UNC80: variants seen among roughly 807,000 people sequenced by gnomAD.
UNC80 encodes the protein unc-80 subunit of NALCN channel complex, also known as protein unc-80 homolog.
UNC80 carries 164 observed loss-of-function variants against 384.6 expected under a neutral mutation model. The ratio of observed to expected loss-of-function variants is 0.43; its 90% confidence interval spans 0.38 to 0.49. The LOEUF is 0.49. UNC80 is among the 20% of genes least tolerant of loss of function. The pLI, the probability that UNC80 is intolerant of heterozygous loss-of-function variation, is 0.00. For missense variants in UNC80, 3,330 were observed against 4,143.0 expected (o/e 0.80, Z 5.39); for synonymous variants, 1,486 against 1,527.8 (o/e 0.97, Z 0.64).
intron 12 of UNC80, 63 bp from the exon 13 acceptor site, chr2:209,820,248 A>T (rs1413074019): frequency 4.1e-6 from 6 of 1,459,924 alleles, no homozygotes; most frequent in Non-Finnish European, 5.4e-6. Context: ...GAATAATCAG[A>T]TCTCTTTAGG....
At chr2:209,780,735 C>T (rs190155140) in intron 4 of UNC80, among the ~76,000 whole-genome samples, 4 of 152,204 alleles carry the variant, frequency 2.6e-5, no homozygotes, top group Non-Finnish European at 4.4e-5. Context: ...TGAGAGCCAC[C>T]GCCTTACATC....
chr2:209,851,531 A>C (rs1217073139), intron 22 of UNC80, among the ~76,000 whole-genome samples: 1 of 152,132 alleles, frequency 6.6e-6, no homozygotes, highest in Admixed American at 6.6e-5. Flanking sequence ...TTAACTCAGC[A>C]AATGTCTTTT....
intron 5 of UNC80, 150 bp downstream of exon 5, chr2:209,786,339 C>T (rs2077425038): frequency 3.0e-6 from 3 of 1,004,150 alleles, no homozygotes; most frequent in Non-Finnish European, 4.1e-6. Context: ...GGCTTACTCA[C>T]ATGAGGAGAA....
chr2:209,799,119 A>G (rs2078371396), intron 7 of UNC80, among the ~76,000 whole-genome samples: 1 of 150,726 alleles, frequency 6.6e-6, no homozygotes. Flanking sequence ...AAGAATGTCA[A>G]TGGTAGTTTG....
chr2:209,815,214 AT>A, intron 8 of UNC80, 42 bp from the exon 9 acceptor site: 1 of 1,534,578 alleles, frequency 6.5e-7, no homozygotes, highest in South Asian at 1.2e-5. Flanking sequence ...CAGTATTTGG[AT>A]GTAAAGTCCT....
chr2:209,912,186 T>C (rs1322697498), intron 29 of UNC80, among the ~76,000 whole-genome samples: 1 of 152,146 alleles, frequency 6.6e-6, no homozygotes, highest in Non-Finnish European at 1.5e-5. Context: ...TTTAAAAGAT[T>C]TGTGTTTTTT....
chr2:209,846,601 C>T (rs1322652982), intron 21 of UNC80, among the ~76,000 whole-genome samples: 2 of 151,816 alleles, frequency 1.3e-5, no homozygotes, highest in African/African-American at 4.8e-5. Flanking sequence ...TTATACATCC[C>T]TTATTGGATT....
intron 47 of UNC80, among the ~76,000 whole-genome samples, chr2:209,948,193 A>T (rs1425672745): frequency 1.3e-5 from 2 of 152,098 alleles, no homozygotes; most frequent in Non-Finnish European, 2.9e-5. Flanking sequence ...ATTTCTATGG[A>T]TGGAACTGCT....
intron 56 of UNC80, among the ~76,000 whole-genome samples, chr2:209,973,976 C>T (rs868865597): frequency 1.3e-5 from 2 of 152,182 alleles, no homozygotes; most frequent in African/African-American, 4.8e-5. Flanking sequence ...CTGCCTTTAA[C>T]CTGGTCGTGA....
intron 22 of UNC80, among the ~76,000 whole-genome samples, chr2:209,855,866 C>A (rs2082873877): frequency 6.6e-6 from 1 of 151,976 alleles, no homozygotes; most frequent in African/African-American, 2.4e-5. Context: ...TTTGAACATA[C>A]CACAATTTAT....
rs543753685 is a variant in UNC80 at position 209,919,472 on chromosome 2, A to G, written c.5343+809A>G. 4.6e-5 allele frequency among the ~76,000 whole-genome samples: 7 copies of G among 152,308 alleles called. No individual in the cohort carries two copies. In the South Asian group the frequency reaches 1.5e-3, roughly 32 times the overall value. ...AGAAAAGTTATATCACTTTGTCCTTATAGAATAGAATTGAAAAGTATCTTA... is the reference window on the plus strand; with the variant it reads ...AGAAAAGTTATATCACTTTGTCCTTGTAGAATAGAATTGAAAAGTATCTTA... On this transcript the variant is annotated intron_variant, in intron 33 of 64. Coordinates refer to ENST00000673920, the MANE Select transcript of UNC80 (RefSeq NM_001371986.1).
chr2:209,856,862 AC>A (rs1423265920), intron 22 of UNC80, among the ~76,000 whole-genome samples: 8 of 151,888 alleles, frequency 5.3e-5, no homozygotes, highest in African/African-American at 1.9e-4. Flanking sequence ...ATCTCAGCTC[AC>A]TGCAACCTCC....
At chr2:209,888,861 G>A (rs184502179) in intron 26 of UNC80, among the ~76,000 whole-genome samples, 21 of 152,106 alleles carry the variant, frequency 1.4e-4, no homozygotes, top group Admixed American at 1.3e-3. Context: ...ATAATATTAT[G>A]TTTCTCAATT....
In UNC80 at chr2:209,777,461, G is replaced by C. The variant is rs1477871347; in HGVS notation, c.502G>C (p.Asp168His). ...GCAGCCTTGCCAAAGCAGCTCTAAT[G>C]ACGAAGAAGAGAACAACCGAAGAAA... is the stretch of plus-strand genomic sequence containing the variant. ...PGQPCQSSSN[D>H]EEENNRRKIF... The change falls in exon 4 of 65, where the codon GAC becomes CAC. Residue 168 changes from aspartate (D) to histidine (H), a missense_variant. By Grantham distance (81) the Asp-to-His change is moderately conservative. Transcript: ENST00000673920. 6.2e-7 allele frequency: 1 copy of C among 1,614,028 alleles called. No individual in the cohort carries two copies. The highest frequency in any genetic ancestry group is 8.5e-7 in the Non-Finnish European group (1 of 1,180,032).
rs1049599496 is a variant in UNC80 at position 209,771,938 on chromosome 2, G to C, written c.-135G>C. The C allele has an allele frequency of 1.2e-4, 81 of 675,338 alleles. 1 individual carries two copies. The East Asian group carries it at 1.2e-3, about 10-fold the overall frequency. 41.8% of individuals were successfully genotyped at this position (675,338 alleles called of 1,614,324 possible). On this transcript the variant is annotated 5_prime_UTR_variant, in exon 1 of 65. Coordinates refer to ENST00000673920, the MANE Select transcript of UNC80 (RefSeq NM_001371986.1). ...GTGGGGGGAGGGGAGAGGCACGGGGGATCAGGGCGGAGAGAGCCGGCTCTG... is the reference window on the plus strand; with the variant it reads ...GTGGGGGGAGGGGAGAGGCACGGGGCATCAGGGCGGAGAGAGCCGGCTCTG...
At chr2:209,824,045 G>A (rs956460194) in intron 13 of UNC80, among the ~76,000 whole-genome samples, 3 of 152,088 alleles carry the variant, frequency 2.0e-5, no homozygotes. Context: ...TTCAGCTTGT[G>A]TATATAAGGC....
intron 28 of UNC80, among the ~76,000 whole-genome samples, 199 bp from the exon 29 acceptor site, chr2:209,904,566 A>G (rs2124930531): frequency 6.6e-6 from 1 of 152,356 alleles, no homozygotes; most frequent in South Asian, 2.1e-4. Context: ...TCCTTCTATC[A>G]AGTATGAATG....
chr2:209,881,476 A>G (rs556350851), intron 25 of UNC80, among the ~76,000 whole-genome samples: 3 of 152,274 alleles, frequency 2.0e-5, no homozygotes, highest in South Asian at 4.1e-4. Context: ...TCTGTATAGA[A>G]ATTTGCTTCT....
chr2:209,823,570 C>T (rs2080290772), intron 13 of UNC80, among the ~76,000 whole-genome samples: 1 of 152,118 alleles, frequency 6.6e-6, no homozygotes, highest in Non-Finnish European at 1.5e-5. Context: ...TTCTAATTCT[C>T]CACCTAGAGG....
Sources: gnomAD v4.1 joint callset for allele counts (sites outside exome capture counted in the v4.1 genomes callset) on GRCh38, gnomAD v4.1.1 for gene constraint, MANE v1.5 for transcripts, NCBI Gene and HGNC (gene_info 2026-07-23, HGNC 2026-07-21) for gene names.